Variants in RSF1 observed in about 807,000 individuals in gnomAD.
RSF1 encodes remodeling and spacing factor 1.
A neutral mutation model predicts 145.2 loss-of-function variants in RSF1; 13 were observed. The observed-to-expected ratio is 0.09, with a 90% CI of 0.06 to 0.14. The LOEUF (loss-of-function observed/expected upper bound fraction) is 0.14. RSF1 is among the 10% of genes least tolerant of loss of function. The pLI is 1.00. For missense variants in RSF1, 1,517 were observed against 1,718.2 expected, an observed-to-expected ratio of 0.88 and a Z score of 2.07; for synonymous variants, 577 against 592.6, an observed-to-expected ratio of 0.97 and a Z score of 0.38.
At chr11:77,792,737 GAA>G (rs35297116) in intron 1 of RSF1, among the ~76,000 whole-genome samples, 2 of 129,988 alleles carry the variant, frequency 1.5e-5, no homozygotes, top group African/African-American at 2.9e-5. Flanking sequence ...TCAAAGGTCT[GAA>G]AAAAAAAAAA....
At chr11:77,808,469 G>C (rs35774637) in intron 1 of RSF1, among the ~76,000 whole-genome samples, 25,480 of 147,288 alleles carry the variant, frequency 0.17, 2,972 homozygotes, top group African/African-American at 0.29. Flanking sequence ...TCAACTGTAC[G>C]TATGACTTGT....
chr11:77,838,733 C>T, the RSF1 span, among the ~76,000 whole-genome samples: 2 of 151,834 alleles, frequency 1.3e-5, no homozygotes, highest in African/African-American at 4.8e-5. Flanking sequence ...TCTCCTGCCT[C>T]AGCCTCTCGA....
chr11:77,820,596 G>T lies in RSF1; in HGVS notation c.119C>A (p.Pro40His). ...CTCCAGCTCAGGGAACGGCAACTCA[G>T]GCAGGTCTAGCAGCGGCCCGTAGCG... is the stretch of plus-strand genomic sequence containing the variant. ...LERYGPLLDL[P>H]ELPFPELERV... The change falls in exon 1 of 16, where the codon CCT becomes CAT. Residue 40 changes from proline to histidine, a missense_variant. Pro to His is a moderately conservative substitution (Grantham distance 77). Coordinates refer to ENST00000308488, the MANE Select transcript of RSF1 (RefSeq NM_016578.4). 1.3e-6 allele frequency: 2 copies of T among 1,566,538 alleles called. No homozygotes were observed. Among genetic ancestry groups the T allele is most frequent in the Non-Finnish European group, 1.7e-6 (2 of 1,157,340 alleles).
Position 77,673,430 on chromosome 11 carries a change from A to T in RSF1, c.3563-1200T>A, listed in dbSNP as rs953069659. On this transcript the variant is annotated intron_variant, in intron 14 of 15. Transcript: ENST00000308488. ...TGTTATTCTTTTGTGGATTTCAAAC[A>T]TTTCAAAATAGCTAGCCAATAGGTT... Among the ~76,000 whole-genome samples the T allele has an allele frequency of 2.6e-5, 4 of 152,228 alleles. No homozygotes were observed. The South Asian group carries it at 6.2e-4, about 24-fold the overall frequency.
At chr11:77,769,082 G>C (rs1472192133) in intron 1 of RSF1, among the ~76,000 whole-genome samples, 1 of 152,018 alleles carries the variant, frequency 6.6e-6, no homozygotes, top group Admixed American at 6.6e-5. Flanking sequence ...TTTTGAGATG[G>C]AGTCTCGCTC....
At position 77,701,387 on chromosome 11, in the gene RSF1, A is replaced by T. The variant is rs1960418025; in HGVS notation, c.1842T>A (p.Thr614=). 1 of 1,614,016 alleles carries T rather than the reference A, an allele frequency of 6.2e-7. No homozygotes were observed. The change falls in exon 6 of 16, where the codon ACT becomes ACA. Residue 614 remains threonine (T), a synonymous_variant. Coordinates refer to ENST00000308488, the MANE Select transcript of RSF1 (RefSeq NM_016578.4). ...SPIPEEVPKS[T]LESEKPGSPE... ...GAGAGCCAGGCTTTTCTGACTCTAG[A>T]GTACTCTTTGGAACTTCTTCTGGTA... is the stretch of plus-strand genomic sequence containing the variant.
chr11:77,750,017 G>T (rs1399607415), intron 2 of RSF1, among the ~76,000 whole-genome samples: 1 of 151,966 alleles, frequency 6.6e-6, no homozygotes, highest in East Asian at 1.9e-4. Flanking sequence ...CAAGTGCTGG[G>T]ATTACAGGTG....
intron 5 of RSF1, among the ~76,000 whole-genome samples, chr11:77,712,449 G>A (rs748959777): frequency 6.6e-6 from 1 of 152,146 alleles, no homozygotes; most frequent in Non-Finnish European, 1.5e-5. Flanking sequence ...CATGAGAACA[G>A]ACTAATACAA....
chr11:77,856,563 G>C, the RSF1 span, among the ~76,000 whole-genome samples: 1 of 152,176 alleles, frequency 6.6e-6, no homozygotes, highest in Non-Finnish European at 1.5e-5. Context: ...AGAGAAAAGA[G>C]TTTTAATTGG....
the RSF1 span, among the ~76,000 whole-genome samples, chr11:77,848,148 G>A: frequency 3.3e-5 from 5 of 152,260 alleles, no homozygotes; most frequent in East Asian, 9.6e-4. Context: ...TAGTCCAGTT[G>A]AGCTGGCACA....
At chr11:77,798,581 TAAAAAAAAAAAAAAAAAAAAAAAAAAA>T (rs543236647) in intron 1 of RSF1, among the ~76,000 whole-genome samples, 2 of 24,462 alleles carry the variant, frequency 8.2e-5, no homozygotes, top group African/African-American at 1.3e-4. Flanking sequence ...GACTCCATCT[TAAAAAAAAAAAAAAAAAAAAAAAAAAA>T]AAAAAAAAAA....
chr11:77,758,518 TG>T (rs1174455628), intron 2 of RSF1, among the ~76,000 whole-genome samples: 5 of 152,288 alleles, frequency 3.3e-5, no homozygotes, highest in African/African-American at 1.2e-4. Context: ...TATGAGGAAC[TG>T]CCAAACTCCC....
At chr11:77,863,499 G>T in the RSF1 span, among the ~76,000 whole-genome samples, 1 of 152,168 alleles carries the variant, frequency 6.6e-6, no homozygotes, top group Non-Finnish European at 1.5e-5. Flanking sequence ...AGCAATTCTT[G>T]TGCCTCAGCC....
In RSF1 at chr11:77,820,513, G is replaced by C; in HGVS notation, c.187+15C>G. Reference sequence around the variant, plus strand: ...CAGGGCCGCTTCCCGCCGGGCGTTCGGGCCCCTCGCTTACCTTCTCCGTTG... The same window carrying C: ...CAGGGCCGCTTCCCGCCGGGCGTTCCGGCCCCTCGCTTACCTTCTCCGTTG... On this transcript the variant is annotated intron_variant, in intron 1 of 15. Transcript: ENST00000308488. 1 of 1,546,586 alleles carries C rather than the reference G, an allele frequency of 6.5e-7. No homozygotes were observed. Among genetic ancestry groups the C allele is most frequent in the Admixed American group, 2.0e-5 (1 of 50,848 alleles).
intron 2 of RSF1, among the ~76,000 whole-genome samples, chr11:77,754,316 T>C (rs1948094238): frequency 6.6e-6 from 1 of 152,086 alleles, no homozygotes; most frequent in African/African-American, 2.4e-5. Context: ...AAGTTGACAT[T>C]TGAGACTGGG....
At chr11:77,698,793 A>G (rs1960344341) in intron 6 of RSF1, 100 bp from the exon 7 acceptor site, 6 of 972,432 alleles carry the variant, frequency 6.2e-6, no homozygotes, top group East Asian at 2.5e-5. Flanking sequence ...CAGCCAATAT[A>G]CCAAAAAAAG....
intron 11 of RSF1, among the ~76,000 whole-genome samples, chr11:77,681,176 C>G (rs75839477): frequency 6.6e-6 from 1 of 152,174 alleles, no homozygotes; most frequent in Non-Finnish European, 1.5e-5. Flanking sequence ...TCTATAGTCC[C>G]TTGGTCTTGG....
At chr11:77,851,799 A>G in the RSF1 span, among the ~76,000 whole-genome samples, 1 of 152,154 alleles carries the variant, frequency 6.6e-6, no homozygotes, top group Admixed American at 6.6e-5. Flanking sequence ...TCATGCTTGT[A>G]CAGCCTGCAG....
At chr11:77,816,924 A>T (rs945839922) in intron 1 of RSF1, among the ~76,000 whole-genome samples, 70 of 152,222 alleles carry the variant, frequency 4.6e-4, no homozygotes, top group African/African-American at 1.7e-3. Context: ...TTTTGTTGAC[A>T]ATTTCAGCAT....
Sources: gnomAD v4.1 joint callset for allele counts (sites outside exome capture counted in the v4.1 genomes callset) on GRCh38, gnomAD v4.1.1 for gene constraint, MANE v1.5 for transcripts, NCBI Gene and HGNC (gene_info 2026-07-23, HGNC 2026-07-21) for gene names.